ZCWPW2: variants seen among roughly 807,000 people sequenced by gnomAD.
ZCWPW2 encodes zinc finger CW-type and PWWP domain containing 2, also known as zinc finger CW-type PWWP domain protein 2.
A neutral mutation model predicts 46.6 loss-of-function variants in ZCWPW2; 45 were observed. That is an observed-to-expected ratio of 0.96 (90% CI 0.76 to 1.24). The LOEUF (loss-of-function observed/expected upper bound fraction) is 1.24, where lower values mean the gene tolerates loss of function less well. Among genes scored for constraint, ZCWPW2 ranks in the 50% most tolerant of loss-of-function variants. The pLI is 0.00. For missense variants in ZCWPW2, 429 were observed against 403.9 expected, an observed-to-expected ratio of 1.06 and a Z score of -0.53; for synonymous variants, 152 against 137.1, an observed-to-expected ratio of 1.11 and a Z score of -0.76.
intron 2 of ZCWPW2, 84 bp downstream of exon 2, chr3:28,390,701 C>T (rs1695452833): frequency 1.1e-6 from 1 of 940,862 alleles, no homozygotes; most frequent in Non-Finnish European, 1.3e-6. Flanking sequence ...TGCATATATG[C>T]AATTTTAAAA....
At chr3:28,516,111 G>A (rs1168755061) in intron 8 of ZCWPW2, among the ~76,000 whole-genome samples, 2 of 151,740 alleles carry the variant, frequency 1.3e-5, no homozygotes, top group Non-Finnish European at 2.9e-5. Context: ...GTGGTGGCAT[G>A]CACCTGTAAT....
intron 5 of ZCWPW2, among the ~76,000 whole-genome samples, chr3:28,481,390 C>T (rs1396253719): frequency 6.6e-6 from 1 of 151,976 alleles, no homozygotes; most frequent in Non-Finnish European, 1.5e-5. Flanking sequence ...ATTACAGGTG[C>T]CCGCCACCAC....
intron 3 of ZCWPW2, among the ~76,000 whole-genome samples, chr3:28,416,828 T>C (rs1380645836): frequency 8.5e-6 from 1 of 117,602 alleles, no homozygotes; most frequent in African/African-American, 3.3e-5. Flanking sequence ...TTATTGATTT[T>C]CGTATGTTGA....
At chr3:28,413,027 C>A in intron 2 of ZCWPW2, 29 bp from the exon 3 acceptor site, 1 of 1,536,842 alleles carries the variant, frequency 6.5e-7, no homozygotes, top group Non-Finnish European at 8.8e-7. Context: ...AATCCTCATT[C>A]TGTTATTTTC....
At chr3:28,480,323 T>A (rs1441239547) in intron 5 of ZCWPW2, among the ~76,000 whole-genome samples, 1 of 152,214 alleles carries the variant, frequency 6.6e-6, no homozygotes, top group Admixed American at 6.5e-5. Context: ...ATCAGTGATG[T>A]TGAACTATTT....
At chr3:28,392,885 T>G (rs1027665823) in intron 2 of ZCWPW2, among the ~76,000 whole-genome samples, 1 of 151,218 alleles carries the variant, frequency 6.6e-6, no homozygotes, top group African/African-American at 2.4e-5. Context: ...AGTTTACACC[T>G]CAAGGAACGA....
chr3:28,364,719 G>C (rs923678011), intron 1 of ZCWPW2, among the ~76,000 whole-genome samples: 2 of 151,388 alleles, frequency 1.3e-5, no homozygotes, highest in African/African-American at 2.4e-5. Context: ...ATGTATACAC[G>C]TGCCATGTTG....
intron 9 of ZCWPW2, among the ~76,000 whole-genome samples, chr3:28,521,494 C>A (rs1422466629): frequency 6.6e-6 from 1 of 152,110 alleles, no homozygotes; most frequent in Admixed American, 6.6e-5. Flanking sequence ...AAATCTGCCC[C>A]GTCTGGATTA....
In ZCWPW2 at chr3:28,348,775, G is replaced by T. The variant is rs776556232; in HGVS notation, c.-562G>T. 1.1e-5 allele frequency: 2 copies of T among 183,660 alleles called. No homozygotes were observed. The highest frequency in any genetic ancestry group is 2.1e-5 in the Non-Finnish European group (2 of 96,400). The allele number at this position is 183,660 out of a possible 1,614,324, so 11.4% of individuals were successfully genotyped here. ...AGCTGCTCCGGGCACGTCGCGGAGG[G>T]AGTCCCATTTCTTCTGACTCGGCAG... On this transcript the variant is annotated 5_prime_UTR_variant, in exon 1 of 10. Coordinates refer to ENST00000383768, the MANE Select transcript of ZCWPW2 (RefSeq NM_001040432.4).
intron 2 of ZCWPW2, among the ~76,000 whole-genome samples, chr3:28,397,093 C>G (rs1392629520): frequency 6.6e-6 from 1 of 150,920 alleles, no homozygotes; most frequent in African/African-American, 2.4e-5. Flanking sequence ...CACATCACTG[C>G]ACTCTGGCCT....
chr3:28,395,393 A>G (rs1489691118), intron 2 of ZCWPW2, among the ~76,000 whole-genome samples: 3 of 152,164 alleles, frequency 2.0e-5, no homozygotes, highest in East Asian at 1.9e-4. Flanking sequence ...TATTCCAGCA[A>G]TCTTACTTCA....
At chr3:28,368,832 A>G (rs1193183199) in intron 1 of ZCWPW2, among the ~76,000 whole-genome samples, 2 of 152,148 alleles carry the variant, frequency 1.3e-5, no homozygotes, top group Non-Finnish European at 2.9e-5. Context: ...ACATAGTTCC[A>G]TATTTCTTGG....
chr3:28,516,723 A>G (rs2125835792), intron 8 of ZCWPW2, among the ~76,000 whole-genome samples: 1 of 152,034 alleles, frequency 6.6e-6, no homozygotes, highest in African/African-American at 2.4e-5. Context: ...AAAAGAAAGG[A>G]AAGCCAGGTG....
chr3:28,505,593 G>T (rs967859091), intron 6 of ZCWPW2, among the ~76,000 whole-genome samples: 95 of 152,182 alleles, frequency 6.2e-4, no homozygotes, highest in African/African-American at 2.2e-3. Flanking sequence ...ACCATCATTT[G>T]CAGTGCTACA....
intron 3 of ZCWPW2, among the ~76,000 whole-genome samples, chr3:28,426,811 T>C (rs748105236): frequency 2.6e-5 from 4 of 152,208 alleles, no homozygotes; most frequent in Admixed American, 6.5e-5. Flanking sequence ...TCTCCACTTA[T>C]ACATCCAAAC....
chr3:28,370,603 A>G (rs931294784), intron 1 of ZCWPW2, among the ~76,000 whole-genome samples: 2 of 152,208 alleles, frequency 1.3e-5, no homozygotes, highest in Admixed American at 1.3e-4. Context: ...TAAGATATCT[A>G]AGGTGGTGTT....
At chr3:28,466,272 C>T (rs374609125) in intron 4 of ZCWPW2, among the ~76,000 whole-genome samples, 1 of 152,082 alleles carries the variant, frequency 6.6e-6, no homozygotes, top group Admixed American at 6.5e-5. Context: ...ATCTGTACAC[C>T]AAACCCACAT....
chr3:28,421,834 T>G (rs113398942), intron 3 of ZCWPW2, among the ~76,000 whole-genome samples: 1,417 of 133,952 alleles, frequency 0.011, 52 homozygotes, highest in African/African-American at 0.038. Flanking sequence ...GGAGAATAGT[T>G]TGTGTGTGTG....
chr3:28,503,534 T>G (rs905774771), intron 6 of ZCWPW2, among the ~76,000 whole-genome samples: 1 of 152,096 alleles, frequency 6.6e-6, no homozygotes, highest in Non-Finnish European at 1.5e-5. Flanking sequence ...AATAGGTTAT[T>G]GATATAATAT....
Sources: allele counts gnomAD v4.1 joint callset (sites outside exome capture counted in the v4.1 genomes callset), GRCh38; gene constraint gnomAD v4.1.1; transcripts MANE v1.5; gene names NCBI Gene and HGNC (gene_info 2026-07-23, HGNC 2026-07-21).